Variants in PRIMA1 observed in about 807,000 individuals in gnomAD.
The protein encoded by PRIMA1 is proline rich membrane anchor 1, also known as proline-rich membrane anchor 1.
Under a neutral mutation model 17.5 loss-of-function variants are expected in PRIMA1, and 7 were observed. The observed-to-expected ratio is 0.40, with a 90% CI of 0.23 to 0.75. PRIMA1 has a LOEUF of 0.75. Ranked by LOEUF, PRIMA1 falls within the 30% of genes least tolerant of loss-of-function variation. PRIMA1 has a pLI of 0.37. For synonymous variants in PRIMA1, 97 were observed against 77.9 expected, an observed-to-expected ratio of 1.25 and a Z score of -1.29; for missense variants, 200 against 201.8, an observed-to-expected ratio of 0.99 and a Z score of 0.05.
intron 4 of PRIMA1, among the ~76,000 whole-genome samples, chr14:93,722,754 G>GGT (rs1394875005): frequency 8.4e-4 from 12 of 14,310 alleles, no homozygotes; most frequent in African/African-American, 3.3e-3. Context: ...TGGTGGTGAT[G>GGT]GAGGTGATGA....
chr14:93,762,211 G>C (rs1385652223), intron 3 of PRIMA1, among the ~76,000 whole-genome samples: 2 of 152,134 alleles, frequency 1.3e-5, no homozygotes. Context: ...AAGCTCTCTC[G>C]ACTTTGCACC....
chr14:93,780,757 C>A (rs1485976630), intron 2 of PRIMA1, among the ~76,000 whole-genome samples: 2 of 152,216 alleles, frequency 1.3e-5, no homozygotes, highest in Non-Finnish European at 2.9e-5. Context: ...AGACTGACTG[C>A]CAGTGTCCCT....
intron 4 of PRIMA1, among the ~76,000 whole-genome samples, chr14:93,724,552 C>G (rs2076062297): frequency 1.3e-5 from 2 of 152,166 alleles, no homozygotes; most frequent in East Asian, 3.9e-4. Context: ...TGCCTGACTT[C>G]TGACTCCATG....
intron 3 of PRIMA1, among the ~76,000 whole-genome samples, chr14:93,761,601 A>G (rs1280303531): frequency 6.6e-6 from 1 of 152,080 alleles, no homozygotes; most frequent in Non-Finnish European, 1.5e-5. Flanking sequence ...TCCTCCTTCC[A>G]ATATCAGCCA....
In PRIMA1 at chr14:93,785,140, C is replaced by A. The variant is rs1474364068; in HGVS notation, c.93+2486G>T. On this transcript the variant is annotated intron_variant, in intron 2 of 4. Coordinates refer to ENST00000393140, the MANE Select transcript of PRIMA1 (RefSeq NM_178013.4). ...CACCACGGTAACTTGATGAGACATA[C>A]TCCTGTCACACCTAATAAATTTGCC... is the stretch of plus-strand genomic sequence containing the variant. Among the ~76,000 whole-genome samples, 9 of 146,098 alleles carry A rather than the reference C, an allele frequency of 6.2e-5. No homozygotes were observed. In the East Asian group the frequency reaches 1.8e-3, roughly 29 times the overall value.
At chr14:93,759,508 CAT>C (rs1243925757) in intron 3 of PRIMA1, among the ~76,000 whole-genome samples, 2 of 152,100 alleles carry the variant, frequency 1.3e-5, no homozygotes, top group East Asian at 3.9e-4. Context: ...TGTGCGTGTG[CAT>C]GTGTGTGTGC....
intron 3 of PRIMA1, among the ~76,000 whole-genome samples, chr14:93,743,775 C>G (rs1052614523): frequency 1.3e-5 from 2 of 152,218 alleles, no homozygotes; most frequent in African/African-American, 4.8e-5. Context: ...TCTCATGGCA[C>G]CGCTGGTCCT....
At chr14:93,722,939 C>A (rs1273518645) in intron 4 of PRIMA1, among the ~76,000 whole-genome samples, 1 of 152,008 alleles carries the variant, frequency 6.6e-6, no homozygotes, top group East Asian at 1.9e-4. Flanking sequence ...GGCCCCTAAC[C>A]CCAAAAGTGG....
chr14:93,783,218 C>T (rs1885431638), intron 2 of PRIMA1, among the ~76,000 whole-genome samples: 1 of 152,210 alleles, frequency 6.6e-6, no homozygotes, highest in African/African-American at 2.4e-5. Context: ...CTTTCTGAGC[C>T]CTACTATGTG....
intron 3 of PRIMA1, among the ~76,000 whole-genome samples, chr14:93,770,942 T>C (rs1885040970): frequency 1.3e-5 from 2 of 152,208 alleles, no homozygotes; most frequent in East Asian, 1.9e-4. Context: ...CAGCAGACAC[T>C]GGACAACTGT....
chr14:93,739,708 C>T (rs890305808), intron 3 of PRIMA1, among the ~76,000 whole-genome samples: 4 of 152,130 alleles, frequency 2.6e-5, no homozygotes, highest in Non-Finnish European at 2.9e-5. Context: ...TGAACCAGCA[C>T]CGAAACCCCA....
chr14:93,731,161 T>A (rs552714294), intron 4 of PRIMA1, among the ~76,000 whole-genome samples: 204 of 108,970 alleles, frequency 1.9e-3, no homozygotes, highest in Non-Finnish European at 3.0e-3. Flanking sequence ...AAGCACTGAA[T>A]AGGCACAGAA....
At chr14:93,727,267 G>A (rs931360589) in intron 4 of PRIMA1, among the ~76,000 whole-genome samples, 2 of 152,206 alleles carry the variant, frequency 1.3e-5, no homozygotes, top group African/African-American at 4.8e-5. Flanking sequence ...TGGGCCGAGG[G>A]GAGCAGAGAG....
At chr14:93,748,372 G>A (rs1391555652) in intron 3 of PRIMA1, among the ~76,000 whole-genome samples, 1 of 152,208 alleles carries the variant, frequency 6.6e-6, no homozygotes, top group African/African-American at 2.4e-5. Context: ...GTCCCCGCAT[G>A]TGACAAACGG....
At chr14:93,751,405 A>C (rs1313309784) in intron 3 of PRIMA1, among the ~76,000 whole-genome samples, 1 of 152,184 alleles carries the variant, frequency 6.6e-6, no homozygotes, top group African/African-American at 2.4e-5. Flanking sequence ...TTGCCTCCTC[A>C]GTCTCTCCTG....
At chr14:93,781,519 G>C (rs1885375258) in intron 2 of PRIMA1, among the ~76,000 whole-genome samples, 1 of 152,250 alleles carries the variant, frequency 6.6e-6, no homozygotes, top group African/African-American at 2.4e-5. Context: ...ATCTATGAGA[G>C]AGAGTTCAAG....
chr14:93,772,510 G>C (rs911086477), intron 3 of PRIMA1, among the ~76,000 whole-genome samples: 36 of 152,376 alleles, frequency 2.4e-4, no homozygotes, highest in African/African-American at 8.2e-4. Flanking sequence ...TGAGTCACAG[G>C]CGGGGACAGG....
intron 3 of PRIMA1, among the ~76,000 whole-genome samples, chr14:93,761,750 C>T (rs10142053): frequency 0.39 from 59,796 of 151,938 alleles, 11,998 homozygotes; most frequent in Non-Finnish European, 0.41. Context: ...ATAGTCGGTG[C>T]CCAACAGATG....
At position 93,721,083 on chromosome 14, in the gene PRIMA1, A is replaced by G; in HGVS notation, c.*361T>C. The G allele has an allele frequency of 5.1e-6, 1 of 197,724 alleles. No homozygotes were observed. Among genetic ancestry groups the G allele is most frequent in the Non-Finnish European group, 1.0e-5 (1 of 97,368 alleles). 12.2% of individuals were successfully genotyped at this position (197,724 alleles called of 1,614,324 possible). On this transcript the variant is annotated 3_prime_UTR_variant, in exon 5 of 5. Transcript: ENST00000393140. ...CCATCTTTCTTTTGGCTAAAGGGGG[A>G]AGCCTCCCTGCCACAGTAGAAAGAC...
Sources: allele counts gnomAD v4.1 joint callset (sites outside exome capture counted in the v4.1 genomes callset), GRCh38; gene constraint gnomAD v4.1.1; transcripts MANE v1.5; gene names NCBI Gene and HGNC (gene_info 2026-07-23, HGNC 2026-07-21).